SERAC1: variants seen among roughly 807,000 people sequenced by gnomAD.
The protein encoded by SERAC1 is serine active site containing 1.
In SERAC1, 36 loss-of-function variants were observed where a neutral mutation model predicts 85.7. The ratio of observed to expected loss-of-function variants is 0.42; its 90% CI spans 0.32 to 0.55. SERAC1 has a LOEUF of 0.55. SERAC1 is among the 20% of genes least tolerant of loss of function. The pLI is 0.11. For missense variants in SERAC1, 629 were observed against 796.2 expected, an observed-to-expected ratio of 0.79 and a Z score of 2.53; for synonymous variants, 242 against 265.3, an observed-to-expected ratio of 0.91 and a Z score of 0.85.
chr6:158,148,224 T>C (rs906013587), intron 5 of SERAC1, among the ~76,000 whole-genome samples: 2 of 152,244 alleles, frequency 1.3e-5, no homozygotes, highest in Non-Finnish European at 2.9e-5. Flanking sequence ...CTCCACACTG[T>C]AGATTAACCT....
At chr6:158,152,763 A>G (rs1391602140) in intron 3 of SERAC1, 1 of 152,194 alleles carries the variant, frequency 6.6e-6, no homozygotes, top group Non-Finnish European at 1.5e-5. Flanking sequence ...TACCGTGTTC[A>G]GCACAGTCAC....
chr6:158,111,959 T>C (rs1236231755), intron 16 of SERAC1: 1 of 153,192 alleles, frequency 6.5e-6, no homozygotes. Flanking sequence ...GCTTGAGATA[T>C]TTCGGTCTAA....
At position 158,117,567 on chromosome 6, in the gene SERAC1, A is replaced by C. The variant is rs1222522556; in HGVS notation, c.1403+160T>G. ...TACTATTCCACTGCTTATTGACAGC[A>C]AACTCCTTCTAGAAGGAAGACAAAA... On this transcript the variant is annotated intron_variant, in intron 13 of 16. Transcript: ENST00000647468. The surrounding 1 kb of genome is among the most constrained non-coding windows in gnomAD (Gnocchi z 4.3). 14 of 1,551,236 alleles carry C rather than the reference A, an allele frequency of 9.0e-6. No homozygotes were observed. The highest frequency in any genetic ancestry group is 1.7e-4 in the Middle Eastern group (1 of 6,014).
chr6:158,147,535 C>A (rs966697228), intron 5 of SERAC1, among the ~76,000 whole-genome samples: 1 of 150,194 alleles, frequency 6.7e-6, no homozygotes, highest in Non-Finnish European at 1.5e-5. Context: ...CCGAGGCAGG[C>A]GGATCACGAG....
chr6:158,111,421 T>C lies in SERAC1; in HGVS notation c.1910A>G (p.Tyr637Cys). The C allele has an allele frequency of 6.2e-7, 1 of 1,611,460 alleles. No homozygotes were observed. The highest frequency in any genetic ancestry group is 8.5e-7 in the Non-Finnish European group (1 of 1,179,232). ...CKPKKKDAFLYQRTLQFIREA... is the reference protein window; with the variant it reads ...CKPKKKDAFLCQRTLQFIREA... ...ACGAATGAATTGTAAAGTACGCTGG[T>C]ACAAAAAAGCATCCTTTTTCTTTGG... The change falls in exon 17 of 17, where the codon TAC becomes TGC. Residue 637 changes from tyrosine to cysteine, a missense_variant. Tyr to Cys is a radical substitution (Grantham distance 194). Coordinates refer to ENST00000647468, the MANE Select transcript of SERAC1 (RefSeq NM_032861.4).
chr6:158,144,958 G>A (rs1226129333), intron 6 of SERAC1, among the ~76,000 whole-genome samples: 3 of 152,092 alleles, frequency 2.0e-5, no homozygotes, highest in Admixed American at 2.0e-4. Flanking sequence ...TATAACCTGG[G>A]GTTGGCCAGT....
chr6:158,137,493 A>G (rs1342276696), intron 8 of SERAC1, among the ~76,000 whole-genome samples: 1 of 152,170 alleles, frequency 6.6e-6, no homozygotes, highest in African/African-American at 2.4e-5. Flanking sequence ...GCAGAATGGA[A>G]ATGTTTCAAG....
rs116556213 is a variant in SERAC1 at position 158,115,219 on chromosome 6, T to C, written c.1502-248A>G. ...GAAACTCATTTGTAGGGCAGAGCCT[T>C]GTCTCACAGGATCTACTGTCCCAGT... is the stretch of plus-strand genomic sequence containing the variant. On this transcript the variant is annotated intron_variant, in intron 14 of 16. Coordinates refer to ENST00000647468, the MANE Select transcript of SERAC1 (RefSeq NM_032861.4). Among the ~76,000 whole-genome samples the C allele has an allele frequency of 6.8e-3, 1,034 of 152,344 alleles. 15 individuals carry two copies. The highest frequency in any genetic ancestry group is 0.024 in the African/African-American group (986 of 41,586).
At chr6:158,150,693 G>A in intron 3 of SERAC1, 104 bp from the exon 4 acceptor site, 1 of 812,410 alleles carries the variant, frequency 1.2e-6, no homozygotes, top group Middle Eastern at 3.5e-4. Flanking sequence ...TTTTTTGTTG[G>A]GAAACATAAC....
In SERAC1 at chr6:158,114,824, A is replaced by G; in HGVS notation, c.1649T>C (p.Leu550Pro). 6.2e-7 allele frequency: 1 copy of G among 1,606,060 alleles called. No individual in the cohort carries two copies. The highest frequency in any genetic ancestry group is 1.1e-5 in the South Asian group (1 of 90,744). Residue 550 changes from leucine (L) to proline (P), a missense_variant, in exon 15 of 17, where the codon CTC becomes CCC. Leu to Pro is a moderately conservative substitution (Grantham distance 98). Transcript: ENST00000647468. ...TTCTTTGACTTCCAACGAGGGGAAG[A>G]GAAGATAGCGAATATTAACAGAGTA... ...AEYSVNIRYL[L>P]FPSLEVKELS...
intron 8 of SERAC1, among the ~76,000 whole-genome samples, chr6:158,139,390 T>A (rs1007557006): frequency 1.3e-5 from 2 of 152,150 alleles, no homozygotes; most frequent in Non-Finnish European, 1.5e-5. Context: ...TATAAAGAAC[T>A]CTTACAACTC....
intron 16 of SERAC1, 67 bp downstream of exon 16, chr6:158,113,382 T>C (rs1390533289): frequency 2.0e-5 from 26 of 1,319,432 alleles, no homozygotes; most frequent in Non-Finnish European, 2.7e-5. Context: ...TAAAAATTGC[T>C]GTTTACAAGT....
intron 8 of SERAC1, among the ~76,000 whole-genome samples, chr6:158,138,435 CAAAA>C (rs60850749): frequency 5.5e-5 from 4 of 72,834 alleles, no homozygotes; most frequent in Middle Eastern, 8.8e-3. Flanking sequence ...GACTCTGTCT[CAAAA>C]AAAAAAAAAA....
intron 1 of SERAC1, among the ~76,000 whole-genome samples, chr6:158,167,537 C>CAAA (rs71542916): frequency 2.6e-4 from 18 of 69,850 alleles, no homozygotes; most frequent in African/African-American, 6.7e-4. Flanking sequence ...GACTCCATCT[C>CAAA]AAAAAAAAAA....
chr6:158,147,487 G>A (rs571543038), intron 5 of SERAC1, among the ~76,000 whole-genome samples: 18 of 151,648 alleles, frequency 1.2e-4, no homozygotes, highest in African/African-American at 3.9e-4. Context: ...TAGGCTGGGC[G>A]AGGTGGCTCA....
chr6:158,124,569 A>C (rs1413446791), intron 10 of SERAC1, among the ~76,000 whole-genome samples: 1 of 152,226 alleles, frequency 6.6e-6, no homozygotes, highest in Non-Finnish European at 1.5e-5. Context: ...GTGGAGCTCA[A>C]GCAGGATAAA....
chr6:158,141,183 T>C (rs758527459), intron 8 of SERAC1, among the ~76,000 whole-genome samples: 1 of 152,030 alleles, frequency 6.6e-6, no homozygotes, highest in Non-Finnish European at 1.5e-5. Context: ...GTGAAGGAAG[T>C]CAGACACAAA....
chr6:158,156,800 T>C (rs1330814192), intron 2 of SERAC1, among the ~76,000 whole-genome samples: 3 of 135,520 alleles, frequency 2.2e-5, no homozygotes, highest in South Asian at 2.1e-4. Flanking sequence ...TATGTTTAAA[T>C]GTATAATATA....
chr6:158,158,037 G>A (rs1303402129), intron 2 of SERAC1, among the ~76,000 whole-genome samples: 1 of 152,126 alleles, frequency 6.6e-6, no homozygotes, highest in Non-Finnish European at 1.5e-5. Flanking sequence ...TTTAAGTTTA[G>A]GATGATGAGT....
Sources: gnomAD v4.1 joint callset for allele counts (sites outside exome capture counted in the v4.1 genomes callset) on GRCh38, gnomAD v4.1.1 for gene constraint, Gnocchi (gnomAD v3.1) non-coding constraint, MANE v1.5 for transcripts, NCBI Gene and HGNC (gene_info 2026-07-23, HGNC 2026-07-21) for gene names.